NUDCD1: variants seen among roughly 807,000 people sequenced by gnomAD.
The protein encoded by NUDCD1 is nudC domain-containing protein 1.
In NUDCD1, 60 loss-of-function variants were observed where a neutral mutation model predicts 67.8. That is an observed-to-expected ratio of 0.88 (90% CI 0.72 to 1.10). The LOEUF (loss-of-function observed/expected upper bound fraction) is 1.10, where lower values mean the gene tolerates loss of function less well. NUDCD1 is among the 50% of genes least tolerant of loss of function. The pLI is 0.00. For missense variants in NUDCD1, 643 were observed against 695.0 expected, an observed-to-expected ratio of 0.93 and a Z score of 0.84; for synonymous variants, 244 against 230.8, an observed-to-expected ratio of 1.06 and a Z score of -0.52.
chr8:109,275,406 T>G lies in NUDCD1; in HGVS notation c.1119A>C (p.Ser373=). 6.2e-7 allele frequency: 1 copy of G among 1,613,856 alleles called. No homozygotes were observed. The change falls in exon 7 of 10, where the codon TCA becomes TCC. Residue 373 remains serine, a synonymous_variant. Coordinates refer to ENST00000239690, the MANE Select transcript of NUDCD1 (RefSeq NM_032869.4). ...GTTCAGCTATTGCAGCACACTGGGC[T>G]GAATCTCTTATAAGTTCCCCTTGTT... ...GDKQGELIRD[S]AQCAAIAERL... is the part of the protein sequence containing the mutation.
At position 109,293,446 on chromosome 8, in the gene NUDCD1, T is replaced by C. The variant is rs908007377; in HGVS notation, c.538A>G (p.Ile180Val). The change falls in exon 4 of 10, where the codon ATA becomes GTA. Residue 180 changes from isoleucine to valine, a missense_variant. Physicochemically the swap from Ile to Val is conservative, Grantham distance 29. Coordinates refer to ENST00000239690, the MANE Select transcript of NUDCD1 (RefSeq NM_032869.4). ...ISLLNAEEHS[I>V]ATLLLRIEKE... Reference sequence around the variant, plus strand: ...TCTATTCGAAGAAGTAGGGTAGCTATAGAATGTTCTTCAGCATTTAGCAGT... The same window carrying C: ...TCTATTCGAAGAAGTAGGGTAGCTACAGAATGTTCTTCAGCATTTAGCAGT... The C allele has an allele frequency of 2.5e-6, 4 of 1,590,508 alleles. No individual in the cohort carries two copies. The highest frequency in any genetic ancestry group is 3.4e-6 in the Non-Finnish European group (4 of 1,164,818).
At chr8:109,276,746 C>G (rs1814298524) in intron 6 of NUDCD1, among the ~76,000 whole-genome samples, 1 of 152,172 alleles carries the variant, frequency 6.6e-6, no homozygotes, top group Non-Finnish European at 1.5e-5. Flanking sequence ...ACCTCCAACT[C>G]CCGGGTTCAA....
chr8:109,270,171 T>TA (rs1380908708), intron 8 of NUDCD1, among the ~76,000 whole-genome samples: 1 of 143,962 alleles, frequency 6.9e-6, no homozygotes, highest in Non-Finnish European at 1.5e-5. Flanking sequence ...ATGAGCTGAA[T>TA]AAAAAACATT....
At chr8:109,309,033 AAAG>A (rs1815176689) in intron 2 of NUDCD1, among the ~76,000 whole-genome samples, 1 of 152,066 alleles carries the variant, frequency 6.6e-6, no homozygotes, top group Non-Finnish European at 1.5e-5. Flanking sequence ...CCAGATGTTC[AAAG>A]AAGAATTGGT....
chr8:109,264,742 A>G (rs1450291916), intron 8 of NUDCD1, among the ~76,000 whole-genome samples: 1 of 152,138 alleles, frequency 6.6e-6, no homozygotes, highest in Non-Finnish European at 1.5e-5. Context: ...TTTCAACTAC[A>G]GTATCATATT....
At chr8:109,328,202 C>A (rs565285095) in intron 1 of NUDCD1, among the ~76,000 whole-genome samples, 3 of 152,216 alleles carry the variant, frequency 2.0e-5, no homozygotes, top group African/African-American at 7.2e-5. Context: ...GTTTCCAGAC[C>A]ACAGCACAAA....
At chr8:109,318,820 AC>A (rs2130122147) in intron 2 of NUDCD1, among the ~76,000 whole-genome samples, 1 of 152,290 alleles carries the variant, frequency 6.6e-6, no homozygotes, top group East Asian at 1.9e-4. Flanking sequence ...CCAACTCCCA[AC>A]AGTAATAATG....
chr8:109,301,121 C>T (rs1814977901), intron 2 of NUDCD1, among the ~76,000 whole-genome samples: 1 of 152,204 alleles, frequency 6.6e-6, no homozygotes, highest in African/African-American at 2.4e-5. Context: ...TCCCCTGTGA[C>T]CTGCACGTAT....
At chr8:109,321,847 G>GGT (rs1256469766) in intron 2 of NUDCD1, among the ~76,000 whole-genome samples, 3 of 151,826 alleles carry the variant, frequency 2.0e-5, no homozygotes, top group Non-Finnish European at 4.4e-5. Flanking sequence ...AAGATTTCAA[G>GGT]ACAAAAAATA....
intron 8 of NUDCD1, among the ~76,000 whole-genome samples, chr8:109,260,706 G>A (rs1418640530): frequency 1.3e-5 from 2 of 152,132 alleles, no homozygotes; most frequent in Non-Finnish European, 2.9e-5. Context: ...ACGTCTCTTT[G>A]AGACTCTATA....
rs1350662267 is a variant in NUDCD1 at position 109,293,429 on chromosome 8, A to T, written c.555T>A (p.Leu185=). The T allele has an allele frequency of 6.3e-7, 1 of 1,589,386 alleles. No individual in the cohort carries two copies. The change falls in exon 4 of 10, where the codon CTT becomes CTA. Residue 185 remains leucine, a synonymous_variant. Transcript: ENST00000239690. ...TATCCAATTCCTCTTTCTCTATTCG[A>T]AGAAGTAGGGTAGCTATAGAATGTT... ...AEEHSIATLL[L]RIEKEELDMK...
intron 2 of NUDCD1, among the ~76,000 whole-genome samples, chr8:109,301,440 A>G (rs200506669): frequency 6.6e-6 from 1 of 152,174 alleles, no homozygotes; most frequent in East Asian, 1.9e-4. Context: ...TGAAATAAAC[A>G]GCCTTGTTGT....
At position 109,281,031 on chromosome 8, in the gene NUDCD1, T is replaced by G. The variant is rs745940702; in HGVS notation, c.965A>C (p.Glu322Ala). The G allele has an allele frequency of 1.9e-6, 3 of 1,611,140 alleles. No homozygotes were observed. Among genetic ancestry groups the G allele is most frequent in the Non-Finnish European group, 2.5e-6 (3 of 1,177,570 alleles). The change falls in exon 6 of 10, where the codon GAA (glutamate) becomes GCA (alanine). Residue 322 changes from glutamate (E) to alanine (A), a missense_variant. Transcript: ENST00000239690. ...ATCAATAGATGAATAGAGTTTTCCT[T>G]CTAAAAACTGGTGATCCTTCAGTAC... ...NIVLKDHQFL[E>A]GKLYSSIDHE...
chr8:109,326,300 C>T lies in NUDCD1; in HGVS notation c.119-3837G>A, dbSNP rs188384561. 2.4e-4 allele frequency among the ~76,000 whole-genome samples: 36 copies of T among 152,112 alleles called. 1 individual carries two copies. Among genetic ancestry groups the T allele is most frequent in the Non-Finnish European group, 4.4e-4 (30 of 67,992 alleles). ...TGCTATTTTGTAAAATCTCTATTAA[C>T]GCATAGAAAAAGGACACCTCTCTGG... On this transcript the variant is annotated intron_variant, in intron 1 of 9. Coordinates refer to ENST00000239690, the MANE Select transcript of NUDCD1 (RefSeq NM_032869.4).
chr8:109,246,824 T>C (rs1340161229), intron 8 of NUDCD1, among the ~76,000 whole-genome samples: 1 of 152,038 alleles, frequency 6.6e-6, no homozygotes, highest in Non-Finnish European at 1.5e-5. Context: ...CCGTAAAAGA[T>C]TGGGTTAAAG....
At chr8:109,316,073 G>A (rs1276855221) in intron 2 of NUDCD1, 2 of 152,012 alleles carry the variant, frequency 1.3e-5, no homozygotes, top group Non-Finnish European at 2.9e-5. Flanking sequence ...AGCTTTTCAG[G>A]TAAATACAAA....
At chr8:109,309,178 T>G (rs373432825) in intron 2 of NUDCD1, among the ~76,000 whole-genome samples, 1 of 151,458 alleles carries the variant, frequency 6.6e-6, no homozygotes, top group Non-Finnish European at 1.5e-5. Flanking sequence ...TACAGAGAGA[T>G]ATCCTTGATG....
At chr8:109,261,368 T>C (rs1354751379) in intron 8 of NUDCD1, among the ~76,000 whole-genome samples, 1 of 152,096 alleles carries the variant, frequency 6.6e-6, no homozygotes, top group Non-Finnish European at 1.5e-5. Flanking sequence ...ATTACATATA[T>C]ATACATGATG....
chr8:109,258,325 CATTGT>C (rs1813785426), intron 8 of NUDCD1, among the ~76,000 whole-genome samples: 1 of 152,038 alleles, frequency 6.6e-6, no homozygotes, highest in East Asian at 1.9e-4. Flanking sequence ...CAAATAAGGT[CATTGT>C]ATTCATGTGT....
Sources: allele counts gnomAD v4.1 joint callset (sites outside exome capture counted in the v4.1 genomes callset), GRCh38; gene constraint gnomAD v4.1.1; transcripts MANE v1.5; gene names NCBI Gene and HGNC (gene_info 2026-07-23, HGNC 2026-07-21).